Variants in PFKM observed in about 807,000 individuals in gnomAD.
The protein encoded by PFKM is phosphofructokinase, muscle, also known as ATP-dependent 6-phosphofructokinase, muscle type.
PFKM carries 58 observed loss-of-function variants against 95.5 expected under a neutral mutation model. That is an observed-to-expected ratio of 0.61 (90% confidence interval 0.49 to 0.76). PFKM has a LOEUF of 0.76. Ranked by LOEUF, PFKM falls within the 30% of genes least tolerant of loss-of-function variation. The pLI is 0.00. For missense variants in PFKM, 678 were observed against 1,005.4 expected, an observed-to-expected ratio of 0.67 and a Z score of 4.40; for synonymous variants, 336 against 357.2, an observed-to-expected ratio of 0.94 and a Z score of 0.67.
intron 3 of PFKM, among the ~76,000 whole-genome samples, chr12:48,110,446 G>A (rs1473253360): frequency 6.6e-6 from 1 of 152,210 alleles, no homozygotes; most frequent in African/African-American, 2.4e-5. Context: ...GTAGTTATCT[G>A]CTCTAATGAG....
chr12:48,118,883 A>G (rs1487166185), upstream of PFKM, among the ~76,000 whole-genome samples: 1 of 73,182 alleles, frequency 1.4e-5, no homozygotes, highest in East Asian at 2.0e-3. Flanking sequence ...GGCAGGGACT[A>G]TATTTATTTT....
At chr12:48,141,423 A>T in intron 15 of PFKM, 42 bp downstream of exon 15, 1 of 1,555,792 alleles carries the variant, frequency 6.4e-7, no homozygotes, top group Non-Finnish European at 8.9e-7. Flanking sequence ...GTCACCTCTT[A>T]AAGTTGCCCT....
intron 13 of PFKM, among the ~76,000 whole-genome samples, chr12:48,140,154 G>A (rs552633588): frequency 1.3e-5 from 2 of 152,290 alleles, no homozygotes; most frequent in East Asian, 3.9e-4. Context: ...CTTCAGGACT[G>A]GCAAGATAGC....
intron 2 of PFKM, among the ~76,000 whole-genome samples, chr12:48,128,227 G>A (rs1949051156): frequency 6.6e-6 from 1 of 151,888 alleles, no homozygotes; most frequent in Admixed American, 6.6e-5. Context: ...GGCAGGCTTA[G>A]ATACTCTTTG....
At chr12:48,140,426 AACAC>A (rs1950480926) in intron 13 of PFKM, among the ~76,000 whole-genome samples, 1 of 152,218 alleles carries the variant, frequency 6.6e-6, no homozygotes, top group Admixed American at 6.5e-5. Context: ...TGATCCAAGG[AACAC>A]ACTTGGGAAG....
intron 10 of PFKM, among the ~76,000 whole-genome samples, chr12:48,136,520 G>T (rs1337668711): frequency 2.6e-5 from 4 of 152,010 alleles, no homozygotes; most frequent in Non-Finnish European, 5.9e-5. Flanking sequence ...TTTCATTTCT[G>T]CAGAGTAATT....
At chr12:48,135,453 T>G in intron 10 of PFKM, 70 bp downstream of exon 10, 1 of 1,116,400 alleles carries the variant, frequency 9.0e-7, no homozygotes, top group Non-Finnish European at 1.4e-6. Flanking sequence ...CCCTCAGGGC[T>G]GCACTTCACC....
rs147890091 is a variant in PFKM, at chr12:48,120,396, T to C, written c.-9+990T>C. Reference sequence around the variant, plus strand: ...TCAACAAGTATTTATTGGGGTCCTGTAATGTGCATAGACTTTGCAAGTCTT... The same window carrying C: ...TCAACAAGTATTTATTGGGGTCCTGCAATGTGCATAGACTTTGCAAGTCTT... On this transcript the variant is annotated intron_variant, in intron 1 of 22. Coordinates refer to ENST00000359794, the MANE Select transcript of PFKM (RefSeq NM_000289.6). Among the ~76,000 whole-genome samples, 99 of 152,322 alleles carry C rather than the reference T, an allele frequency of 6.5e-4. 2 individuals are homozygous for C. The East Asian group carries it at 0.017, about 26-fold the overall frequency.
chr12:48,134,895 C>T (rs1294558310), intron 8 of PFKM, 48 bp from the exon 9 acceptor site: 2 of 1,586,422 alleles, frequency 1.3e-6, no homozygotes, highest in Admixed American at 1.7e-5. Context: ...CTCTTTCCCA[C>T]CCATCAGCTT....
intron 2 of PFKM, among the ~76,000 whole-genome samples, chr12:48,123,757 T>A (rs1222813611): frequency 1.3e-5 from 2 of 152,200 alleles, no homozygotes; most frequent in Admixed American, 6.5e-5. Context: ...TTTGAAGAAG[T>A]TGAATTCCTT....
upstream of PFKM, chr12:48,105,524 C>T (rs544052887): frequency 1.2e-5 from 6 of 518,310 alleles, no homozygotes; most frequent in East Asian, 2.2e-4. Flanking sequence ...CAGGGAGATA[C>T]CACAGAGTAG....
At chr12:48,139,000 C>T (rs1950345943) in intron 11 of PFKM, among the ~76,000 whole-genome samples, 1 of 152,088 alleles carries the variant, frequency 6.6e-6, no homozygotes, top group African/African-American at 2.4e-5. Flanking sequence ...AAGATCACGC[C>T]ACTGCACTCC....
Position 48,141,392 on chromosome 12 carries a change from C to T in PFKM, c.1412+11C>T. 6.2e-7 allele frequency: 1 copy of T among 1,610,980 alleles called. No individual in the cohort carries two copies. The highest frequency in any genetic ancestry group is 8.5e-7 in the Non-Finnish European group (1 of 1,177,106). ...ACTTGGGACTAAAAGGTAAGTAGCA[C>T]TGCAGAGGCACCTCCTCCCAGTCAC... is the stretch of plus-strand genomic sequence containing the variant. On this transcript the variant is annotated intron_variant, in intron 15 of 22. Coordinates refer to ENST00000359794, the MANE Select transcript of PFKM (RefSeq NM_000289.6).
At chr12:48,143,038 C>A in intron 18 of PFKM, 92 bp downstream of exon 18, 1 of 1,237,604 alleles carries the variant, frequency 8.1e-7, no homozygotes, top group Non-Finnish European at 1.2e-6. Flanking sequence ...AAGTTGAGGA[C>A]CGAGCTGATT....
At chr12:48,105,643 G>A (rs1054833384), upstream of PFKM, 9 of 427,016 alleles carry the variant, frequency 2.1e-5, no homozygotes, top group South Asian at 9.5e-5. Flanking sequence ...CGAGCTTCCC[G>A]GTGAAAACAG....
intron 6 of PFKM, among the ~76,000 whole-genome samples, chr12:48,133,779 C>T (rs1949768266): frequency 6.6e-6 from 1 of 152,036 alleles, no homozygotes; most frequent in Non-Finnish European, 1.5e-5. Context: ...TCTAGGGAGC[C>T]CAGACATGAG....
In PFKM at chr12:48,145,075, G is replaced by T. The variant is rs754270782; in HGVS notation, c.2037G>T (p.Met679Ile). 1.2e-6 allele frequency: 2 copies of T among 1,614,148 alleles called. No homozygotes were observed. Among genetic ancestry groups the T allele is most frequent in the Non-Finnish European group, 1.7e-6 (2 of 1,179,998 alleles). The part of the protein sequence containing the change: ...TPFDRNFATK[M>I]GAKAMNWMSG... ...TTGATAGGAATTTTGCCACTAAGAT[G>T]GGCGCCAAGGCTATGAACTGGATGT... Residue 679 changes from methionine (M) to isoleucine (I), a missense_variant, in exon 21 of 23, where the codon ATG (methionine) becomes ATT (isoleucine). Transcript: ENST00000359794. The surrounding 1 kb of genome is among the most constrained non-coding windows in gnomAD (Gnocchi z 4.3).
At chr12:48,144,553 T>C (rs1950858259) in intron 20 of PFKM, among the ~76,000 whole-genome samples, 1 of 152,126 alleles carries the variant, frequency 6.6e-6, no homozygotes, top group African/African-American at 2.4e-5. Flanking sequence ...CAAAAATGTC[T>C]CCAAACATTC....
At chr12:48,114,874 A>C (rs1947532544), upstream of PFKM, among the ~76,000 whole-genome samples, 1 of 152,198 alleles carries the variant, frequency 6.6e-6, no homozygotes, top group Non-Finnish European at 1.5e-5. Context: ...GGTGTTGCAG[A>C]AGAAAATGAG....
Sources: allele counts gnomAD v4.1 joint callset (sites outside exome capture counted in the v4.1 genomes callset), GRCh38; gene constraint gnomAD v4.1.1; non-coding constraint Gnocchi (gnomAD v3.1); transcripts MANE v1.5; gene names NCBI Gene and HGNC (gene_info 2026-07-23, HGNC 2026-07-21).